ERC1: variants seen among roughly 807,000 people sequenced by gnomAD.
ERC1 encodes the protein RAB6 interacting protein 2.
A neutral mutation model predicts 132.0 loss-of-function variants in ERC1; 56 were observed. The ratio of observed to expected loss-of-function variants is 0.42; its 90% CI spans 0.34 to 0.53. ERC1 has a LOEUF of 0.53. Among genes scored for constraint, ERC1 ranks in the 20% least tolerant of loss-of-function variants. The probability of loss-of-function intolerance (pLI) is 0.03; values close to 1 mark genes in which losing one functional copy is unlikely to be tolerated. For synonymous variants in ERC1, 478 were observed against 476.1 expected, an observed-to-expected ratio of 1.00 and a Z score of -0.05; for missense variants, 1,202 against 1,349.9, an observed-to-expected ratio of 0.89 and a Z score of 1.72.
At chr12:1,387,533 A>G (rs1230768595) in intron 16 of ERC1, among the ~76,000 whole-genome samples, 2 of 152,230 alleles carry the variant, frequency 1.3e-5, no homozygotes, top group Non-Finnish European at 2.9e-5. Flanking sequence ...ATCATTCTTG[A>G]TTATCCAGGT....
At chr12:1,274,801 T>C (rs1025480802) in intron 14 of ERC1, among the ~76,000 whole-genome samples, 1 of 152,192 alleles carries the variant, frequency 6.6e-6, no homozygotes, top group Non-Finnish European at 1.5e-5. Context: ...GGAGGGCATC[T>C]CTTAACACAT....
At chr12:1,280,072 G>A (rs2078573351) in intron 14 of ERC1, among the ~76,000 whole-genome samples, 1 of 152,108 alleles carries the variant, frequency 6.6e-6, no homozygotes, top group Admixed American at 6.5e-5. Context: ...GAGTCTATGT[G>A]GTGGATCTAT....
chr12:1,349,674 A>G (rs2084823935), intron 15 of ERC1, among the ~76,000 whole-genome samples: 1 of 152,060 alleles, frequency 6.6e-6, no homozygotes, highest in South Asian at 2.1e-4. Flanking sequence ...AAAAAAAAAA[A>G]AAAAAAGTTA....
In ERC1 at chr12:1,257,596, G is replaced by A. The variant is rs147039020; in HGVS notation, c.2488-5438G>A. ...ATTATCAGGGTTGGGTAACATTGGA[G>A]CTTTTGTTGGTGTTTATTACCTATA... On this transcript the variant is annotated intron_variant, in intron 13 of 18. Transcript: ENST00000360905. 7.9e-5 allele frequency among the ~76,000 whole-genome samples: 12 copies of A among 152,196 alleles called. No individual in the cohort carries two copies. In the East Asian group the frequency reaches 1.9e-3, roughly 25 times the overall value.
intron 16 of ERC1, among the ~76,000 whole-genome samples, chr12:1,400,906 CTATTTTTGTATTTTTTTTTTTTTT>C (rs2090966272): frequency 3.8e-5 from 2 of 52,900 alleles, no homozygotes; most frequent in African/African-American, 1.6e-4. Flanking sequence ...ATTGTTTTGG[CTATTTTTGTATTTTTTTTTTTTTT>C]TTTTTTTTTT....
chr12:1,259,777 C>A lies in ERC1; in HGVS notation c.2488-3257C>A, dbSNP rs543042894. 6.0e-4 allele frequency among the ~76,000 whole-genome samples: 91 copies of A among 152,276 alleles called. 1 individual carries two copies. Among genetic ancestry groups the A allele is most frequent in the African/African-American group, 2.1e-3 (87 of 41,558 alleles). ...TGACCTCGTGATCCACCCGCCTTGG[C>A]CTCCCAAAGTGCTGGGATTGCAGGC... On this transcript the variant is annotated intron_variant, in intron 13 of 18. Transcript: ENST00000360905.
chr12:1,455,039 G>A (rs1042986661), intron 18 of ERC1, among the ~76,000 whole-genome samples: 1 of 152,192 alleles, frequency 6.6e-6, no homozygotes, highest in Non-Finnish European at 1.5e-5. Flanking sequence ...ATTATGGTAC[G>A]AAGTGTCTTG....
chr12:1,091,571 C>T (rs1374519659), intron 3 of ERC1, among the ~76,000 whole-genome samples: 1 of 152,102 alleles, frequency 6.6e-6, no homozygotes, highest in Non-Finnish European at 1.5e-5. Flanking sequence ...TACTGGACAC[C>T]AACCATGCGC....
At chr12:1,454,746 A>G (rs1379103148) in intron 18 of ERC1, among the ~76,000 whole-genome samples, 1 of 152,216 alleles carries the variant, frequency 6.6e-6, no homozygotes, top group Non-Finnish European at 1.5e-5. Context: ...GTGCATTTTT[A>G]CAGTCCATAT....
intron 8 of ERC1, among the ~76,000 whole-genome samples, chr12:1,176,490 G>A (rs1953734262): frequency 6.6e-6 from 1 of 152,064 alleles, no homozygotes; most frequent in African/African-American, 2.4e-5. Flanking sequence ...ATGAACACTG[G>A]CCTCAACTTT....
chr12:1,203,779 C>T (rs550429520), intron 12 of ERC1, among the ~76,000 whole-genome samples: 1 of 152,306 alleles, frequency 6.6e-6, no homozygotes, highest in East Asian at 1.9e-4. Flanking sequence ...GTAAGGGCTA[C>T]ATGCTGTGCA....
chr12:1,450,242 C>T (rs1452091056), intron 18 of ERC1, among the ~76,000 whole-genome samples: 7 of 152,108 alleles, frequency 4.6e-5, no homozygotes, highest in African/African-American at 7.2e-5. Context: ...ATATTCATAA[C>T]GTAAACTATC....
intron 12 of ERC1, among the ~76,000 whole-genome samples, chr12:1,215,913 G>A (rs528404877): frequency 4.6e-5 from 7 of 152,204 alleles, no homozygotes; most frequent in African/African-American, 1.4e-4. Context: ...AAAGCAAAAA[G>A]TGTGGGAATA....
Position 1,288,781 on chromosome 12 carries a change from C to T in ERC1, c.2620-1071C>T, listed in dbSNP as rs1424536511. On this transcript the variant is annotated intron_variant, in intron 14 of 18. Transcript: ENST00000360905. ...GGTTATTACCAAGATTATTTCTTGGCAATTAACAACCTAACATAAAGTCTT... is the reference window on the plus strand; with the variant it reads ...GGTTATTACCAAGATTATTTCTTGGTAATTAACAACCTAACATAAAGTCTT... 2.0e-5 allele frequency among the ~76,000 whole-genome samples: 3 copies of T among 152,288 alleles called. No individual in the cohort carries two copies. In the East Asian group the frequency reaches 5.8e-4, roughly 29 times the overall value.
intron 2 of ERC1, among the ~76,000 whole-genome samples, chr12:1,040,345 G>A (rs1191718358): frequency 9.0e-5 from 12 of 133,730 alleles, no homozygotes; most frequent in Non-Finnish European, 4.6e-5. Flanking sequence ...TTTTTGAGAC[G>A]GAGTCTCGCT....
intron 12 of ERC1, among the ~76,000 whole-genome samples, chr12:1,192,309 T>C (rs1010557908): frequency 6.6e-6 from 1 of 152,196 alleles, no homozygotes; most frequent in African/African-American, 2.4e-5. Flanking sequence ...TGAGCTCTGC[T>C]TATTTTAGGA....
intron 3 of ERC1, among the ~76,000 whole-genome samples, chr12:1,091,498 G>A (rs1943211317): frequency 1.3e-5 from 2 of 152,126 alleles, no homozygotes; most frequent in African/African-American, 2.4e-5. Flanking sequence ...CTGTATAAGG[G>A]GAAGACTTAA....
At chr12:1,225,005 G>T (rs539255739) in intron 12 of ERC1, among the ~76,000 whole-genome samples, 1 of 151,928 alleles carries the variant, frequency 6.6e-6, no homozygotes, top group African/African-American at 2.4e-5. Flanking sequence ...GAAAAGAAAA[G>T]AAAATGAATT....
At chr12:1,352,133 A>T (rs1252685739) in intron 15 of ERC1, among the ~76,000 whole-genome samples, 1 of 152,106 alleles carries the variant, frequency 6.6e-6, no homozygotes, top group Non-Finnish European at 1.5e-5. Context: ...GGACTCTTAG[A>T]GCTCACCAGG....
Sources: allele counts gnomAD v4.1 joint callset (sites outside exome capture counted in the v4.1 genomes callset), GRCh38; gene constraint gnomAD v4.1.1; transcripts MANE v1.5; gene names NCBI Gene and HGNC (gene_info 2026-07-23, HGNC 2026-07-21).